Variants in AIFM1 observed in about 807,000 individuals in gnomAD.
AIFM1 encodes apoptosis inducing factor mitochondria associated 1.
In AIFM1, 3 loss-of-function variants were observed where a neutral mutation model predicts 51.7. The ratio of observed to expected loss-of-function variants is 0.06; its 90% CI spans 0.03 to 0.15. The LOEUF (loss-of-function observed/expected upper bound fraction) is 0.15, where lower values mean the gene tolerates loss of function less well. Ranked by LOEUF, AIFM1 falls within the 10% of genes least tolerant of loss-of-function variation. The pLI is 1.00. For missense variants in AIFM1, 330 were observed against 476.8 expected (o/e 0.69, Z 2.87); for synonymous variants, 178 against 179.4 (o/e 0.99, Z 0.06).
At chrX:130,136,532 T>G in intron 11 of AIFM1, 111 bp downstream of exon 11, 1 of 700,884 alleles carries the variant, frequency 1.4e-6, no homozygotes, top group Non-Finnish European at 2.3e-6. Flanking sequence ...ATCAGGTTAA[T>G]GGCAACTGCC....
chrX:130,140,447 G>A, intron 7 of AIFM1, 86 bp downstream of exon 7: 1 of 798,567 alleles, frequency 1.3e-6, no homozygotes, highest in Non-Finnish European at 1.9e-6. Flanking sequence ...ATTTTCTTAA[G>A]TAGTAATGCC....
chrX:130,144,472 C>T (rs753543085), intron 6 of AIFM1, among the ~76,000 whole-genome samples: 10 of 111,918 alleles, frequency 8.9e-5, no homozygotes, highest in Non-Finnish European at 1.5e-4. Context: ...TATCGAGCTG[C>T]TTCTATTTCC....
At chrX:130,139,192 C>T (rs904912038) in intron 8 of AIFM1, among the ~76,000 whole-genome samples, 3 of 110,683 alleles carry the variant, frequency 2.7e-5, no homozygotes, top group Non-Finnish European at 5.7e-5. Context: ...ATTAGCCGGT[C>T]GTGGTGGCAC....
chrX:130,161,317 C>T (rs986095068), intron 1 of AIFM1, among the ~76,000 whole-genome samples: 14 of 109,674 alleles, frequency 1.3e-4, no homozygotes, highest in African/African-American at 4.3e-4. Flanking sequence ...TCGAGACCAG[C>T]CTGGCCAATA....
intron 2 of AIFM1, chrX:130,155,338 G>A (rs1289259875): frequency 2.5e-6 from 3 of 1,178,287 alleles, no homozygotes; most frequent in South Asian, 1.8e-5. Flanking sequence ...AGAGTACTAA[G>A]TATTAATGAA....
chrX:130,161,095 C>T (rs770132152), intron 1 of AIFM1, among the ~76,000 whole-genome samples: 1 of 111,113 alleles, frequency 9.0e-6, no homozygotes, highest in East Asian at 2.8e-4. Flanking sequence ...TCCATACTCC[C>T]AAAAGGCGTT....
chrX:130,146,449 A>ATGTGTG (rs1491571585), intron 5 of AIFM1, among the ~76,000 whole-genome samples: 28 of 65,140 alleles, frequency 4.3e-4, no homozygotes, highest in African/African-American at 1.8e-3. Flanking sequence ...GTCTCTCAAA[A>ATGTGTG]TATGTGTGTG....
At chrX:130,130,259 C>T (rs757922225) in intron 14 of AIFM1, 93 bp from the exon 15 acceptor site, 14 of 1,014,264 alleles carry the variant, frequency 1.4e-5, no homozygotes, top group South Asian at 5.8e-5. Flanking sequence ...AACAGTCTTT[C>T]GAGGCCTGCT....
intron 11 of AIFM1, 117 bp downstream of exon 11, chrX:130,136,526 G>C (rs375161287): frequency 7.4e-6 from 5 of 674,137 alleles, no homozygotes; most frequent in African/African-American, 4.3e-5. Context: ...AATTATATCA[G>C]GTTAATGGCA....
intron 13 of AIFM1, among the ~76,000 whole-genome samples, chrX:130,132,765 G>A (rs1173759982): frequency 6.8e-5 from 2 of 29,359 alleles, no homozygotes; most frequent in Non-Finnish European, 1.3e-4. Flanking sequence ...TTTTTTTTTT[G>A]AGACGGAGTC....
intron 13 of AIFM1, among the ~76,000 whole-genome samples, chrX:130,132,690 A>T (rs1367390246): frequency 9.0e-6 from 1 of 111,689 alleles, no homozygotes; most frequent in African/African-American, 3.3e-5. Context: ...GGCATGAGCA[A>T]CCATACCAGA....
At chrX:130,155,056 T>C (rs2031119437) in intron 2 of AIFM1, 1 of 1,036,586 alleles carries the variant, frequency 9.6e-7, no homozygotes, top group South Asian at 1.9e-5. Flanking sequence ...AGAAAGCACA[T>C]GCTGTGAATA....
chrX:130,133,253 T>C, intron 13 of AIFM1, 60 bp downstream of exon 13: 1 of 1,194,202 alleles, frequency 8.4e-7, no homozygotes, highest in South Asian at 1.8e-5. Flanking sequence ...TAACTCTGTG[T>C]TATGGTCCTA....
At chrX:130,141,064 C>T (rs910049122) in intron 6 of AIFM1, among the ~76,000 whole-genome samples, 4 of 111,943 alleles carry the variant, frequency 3.6e-5, no homozygotes, top group Admixed American at 1.9e-4. Flanking sequence ...TGCAGTGAGC[C>T]GAGATCATGC....
At chrX:130,129,770 G>A in intron 15 of AIFM1, 142 bp from the exon 16 acceptor site, 1 of 744,097 alleles carries the variant, frequency 1.3e-6, no homozygotes, top group Non-Finnish European at 2.1e-6. Flanking sequence ...CCCCAAACAA[G>A]CAGCCTGCCA....
chrX:130,137,303 C>T, intron 9 of AIFM1, 118 bp from the exon 10 acceptor site: 1 of 1,187,107 alleles, frequency 8.4e-7, no homozygotes, highest in Non-Finnish European at 1.1e-6. Flanking sequence ...AGCTGCAATC[C>T]AGGCCGAGCG....
chrX:130,139,949 G>C, intron 7 of AIFM1, 78 bp from the exon 8 acceptor site: 2 of 859,995 alleles, frequency 2.3e-6, no homozygotes, highest in East Asian at 3.1e-5. Flanking sequence ...ACCACACAAA[G>C]GTGGAGCCCT....
chrX:130,163,682 T>C (rs573456395), intron 1 of AIFM1, among the ~76,000 whole-genome samples: 2 of 112,411 alleles, frequency 1.8e-5, no homozygotes, highest in East Asian at 2.8e-4. Flanking sequence ...CATTTGAGTC[T>C]GTATTTTTCA....
At chrX:130,155,267 T>C in intron 2 of AIFM1, 1 of 1,210,773 alleles carries the variant, frequency 8.3e-7, no homozygotes, top group South Asian at 1.8e-5. Flanking sequence ...AAGGGGATCC[T>C]AGGTGATGAG....
Sources: gnomAD v4.1 joint callset for allele counts (sites outside exome capture counted in the v4.1 genomes callset) on GRCh38, gnomAD v4.1.1 for gene constraint, MANE v1.5 for transcripts, NCBI Gene and HGNC (gene_info 2026-07-23, HGNC 2026-07-21) for gene names.